Variants in NEGR1 observed in about 807,000 individuals in gnomAD.
NEGR1 encodes the protein IgLON family member 4.
NEGR1 carries 10 observed loss-of-function variants against 40.9 expected under a neutral mutation model. The observed-to-expected ratio is 0.24, with a 90% confidence interval of 0.15 to 0.42. The LOEUF (loss-of-function observed/expected upper bound fraction) is 0.42, where lower values mean the gene tolerates loss of function less well. Ranked by LOEUF, NEGR1 falls within the 10% of genes least tolerant of loss-of-function variation. NEGR1 has a pLI of 1.00. For synonymous variants in NEGR1, 185 were observed against 166.8 expected, an observed-to-expected ratio of 1.11 and a Z score of -0.84; for missense variants, 352 against 438.9, an observed-to-expected ratio of 0.80 and a Z score of 1.77.
chr1:71,816,702 C>G (rs890667014), intron 2 of NEGR1, among the ~76,000 whole-genome samples: 1 of 151,948 alleles, frequency 6.6e-6, no homozygotes. Flanking sequence ...CACTTTGTTT[C>G]ATACAGTCAA....
chr1:71,819,712 A>G (rs1347799466), intron 2 of NEGR1, among the ~76,000 whole-genome samples: 1 of 152,030 alleles, frequency 6.6e-6, no homozygotes, highest in African/African-American at 2.4e-5. Context: ...AAATAAATCA[A>G]TGCAAATCTA....
chr1:71,423,546 T>C (rs186016215), intron 6 of NEGR1, among the ~76,000 whole-genome samples: 3 of 152,324 alleles, frequency 2.0e-5, no homozygotes, highest in Non-Finnish European at 4.4e-5. Context: ...TTTGAAGATA[T>C]TACCTTTTCA....
At chr1:72,165,230 A>G (rs1230959613) in intron 1 of NEGR1, among the ~76,000 whole-genome samples, 1 of 152,104 alleles carries the variant, frequency 6.6e-6, no homozygotes, top group Non-Finnish European at 1.5e-5. Context: ...TTTTAATTAC[A>G]GTGGTCACAA....
At chr1:72,128,061 A>T (rs542429036) in intron 1 of NEGR1, among the ~76,000 whole-genome samples, 3 of 152,320 alleles carry the variant, frequency 2.0e-5, no homozygotes, top group African/African-American at 4.8e-5. Context: ...CACTCTTAGC[A>T]AATTCTTAAA....
chr1:71,930,385 G>C (rs1160066324), intron 2 of NEGR1, among the ~76,000 whole-genome samples: 2 of 152,100 alleles, frequency 1.3e-5, no homozygotes, highest in African/African-American at 2.4e-5. Context: ...TGTTTCTCTA[G>C]ATATATTGGC....
At chr1:72,174,753 A>C (rs918788117) in intron 1 of NEGR1, among the ~76,000 whole-genome samples, 13 of 150,918 alleles carry the variant, frequency 8.6e-5, no homozygotes, top group African/African-American at 3.2e-4. Context: ...ATTTCTTATA[A>C]AATTAAAAAA....
At chr1:72,279,467 G>A (rs1656172408) in intron 1 of NEGR1, among the ~76,000 whole-genome samples, 1 of 148,224 alleles carries the variant, frequency 6.7e-6, no homozygotes, top group Admixed American at 6.7e-5. Flanking sequence ...TGAGGAATAT[G>A]TTACATTAAA....
At chr1:71,558,078 G>C (rs521921) in intron 6 of NEGR1, among the ~76,000 whole-genome samples, 149,279 of 151,602 alleles carry the variant, frequency 0.98, 73,538 homozygotes, top group Middle Eastern at 1. Flanking sequence ...ATTAAGGATA[G>C]ATTACATTAA....
rs564561024 is a variant in NEGR1 at position 71,536,477 on chromosome 1, A to T, written c.940+56340T>A. On this transcript the variant is annotated intron_variant, in intron 6 of 6. Coordinates refer to ENST00000357731, the MANE Select transcript of NEGR1 (RefSeq NM_173808.3). ...CCCTTTCACCCTCTGCCATGAGTGG[A>T]AGCAACTTGAGACCTCATAAATGCA... is the stretch of plus-strand genomic sequence containing the variant. 1.4e-4 allele frequency among the ~76,000 whole-genome samples: 22 copies of T among 151,832 alleles called. No individual in the cohort carries two copies. The South Asian group carries it at 4.6e-3, about 31-fold the overall frequency.
chr1:71,634,959 C>G (rs767775797), intron 4 of NEGR1, among the ~76,000 whole-genome samples: 10 of 151,956 alleles, frequency 6.6e-5, no homozygotes, highest in African/African-American at 2.2e-4. Context: ...AATAAGAAAC[C>G]AGGTTTGCTC....
chr1:71,695,889 A>AT (rs1012402779), intron 4 of NEGR1, among the ~76,000 whole-genome samples: 9 of 151,604 alleles, frequency 5.9e-5, no homozygotes, highest in African/African-American at 9.7e-5. Context: ...GCCATTATAT[A>AT]TTTTTTTTAA....
intron 1 of NEGR1, among the ~76,000 whole-genome samples, chr1:72,099,439 G>T (rs1341059937): frequency 6.6e-6 from 1 of 151,792 alleles, no homozygotes; most frequent in Non-Finnish European, 1.5e-5. Context: ...CTTCTTAAAT[G>T]GAAAATGCAA....
chr1:72,166,871 T>C (rs186741488), intron 1 of NEGR1, among the ~76,000 whole-genome samples: 1 of 152,246 alleles, frequency 6.6e-6, no homozygotes, highest in Admixed American at 6.5e-5. Context: ...TGTGTATATA[T>C]ATATACACAA....
At chr1:71,711,838 G>T (rs926872676) in intron 3 of NEGR1, among the ~76,000 whole-genome samples, 2 of 152,022 alleles carry the variant, frequency 1.3e-5, no homozygotes, top group Non-Finnish European at 2.9e-5. Context: ...ATGAACCTAA[G>T]ACATGTCTTA....
chr1:71,724,169 T>C (rs1654599504), intron 3 of NEGR1, among the ~76,000 whole-genome samples: 1 of 152,182 alleles, frequency 6.6e-6, no homozygotes, highest in African/African-American at 2.4e-5. Context: ...TTTAAAATTC[T>C]CTTTTCTCTG....
chr1:72,114,006 T>C (rs1431555867), intron 1 of NEGR1, among the ~76,000 whole-genome samples: 2 of 151,734 alleles, frequency 1.3e-5, no homozygotes, highest in African/African-American at 2.4e-5. Flanking sequence ...CATCTACTAA[T>C]CATAAAACCA....
chr1:71,991,453 T>A (rs1432257298), intron 1 of NEGR1, among the ~76,000 whole-genome samples: 2 of 152,184 alleles, frequency 1.3e-5, no homozygotes, highest in African/African-American at 4.8e-5. Flanking sequence ...AACAGATCAC[T>A]TTTCCTGCTT....
At chr1:72,169,215 A>G (rs1651875816) in intron 1 of NEGR1, among the ~76,000 whole-genome samples, 1 of 152,166 alleles carries the variant, frequency 6.6e-6, no homozygotes, top group Non-Finnish European at 1.5e-5. Context: ...ATGTTGTTGA[A>G]CAAAATTCTT....
intron 6 of NEGR1, among the ~76,000 whole-genome samples, chr1:71,489,096 T>C (rs995718640): frequency 2.0e-5 from 3 of 151,846 alleles, no homozygotes; most frequent in Non-Finnish European, 2.9e-5. Context: ...CCTCATTGTA[T>C]GTAGTCTTGG....
Sources: gnomAD v4.1 joint callset for allele counts (sites outside exome capture counted in the v4.1 genomes callset) on GRCh38, gnomAD v4.1.1 for gene constraint, MANE v1.5 for transcripts, NCBI Gene and HGNC (gene_info 2026-07-23, HGNC 2026-07-21) for gene names.